HS3ST2: variants seen among roughly 807,000 people sequenced by gnomAD.
HS3ST2 encodes heparan sulfate-glucosamine 3-sulfotransferase 2, also known as heparan sulfate glucosamine 3-O-sulfotransferase 2.
In HS3ST2, 17 loss-of-function variants were observed where a neutral mutation model predicts 26.3. The ratio of observed to expected loss-of-function variants is 0.65; its 90% CI spans 0.44 to 0.97. The LOEUF (loss-of-function observed/expected upper bound fraction) is 0.97. HS3ST2 is among the 50% of genes least tolerant of loss of function. HS3ST2 has a pLI of 0.00. For synonymous variants in HS3ST2, 237 were observed against 219.2 expected, an observed-to-expected ratio of 1.08 and a Z score of -0.72; for missense variants, 402 against 501.2, an observed-to-expected ratio of 0.80 and a Z score of 1.89.
intron 1 of HS3ST2, among the ~76,000 whole-genome samples, chr16:22,842,955 T>G (rs1274703539): frequency 1.3e-5 from 2 of 152,252 alleles, no homozygotes; most frequent in African/African-American, 4.8e-5. Flanking sequence ...TGTTTCTGGT[T>G]TTGAATCTCT....
At chr16:22,878,593 C>T (rs565766862) in intron 1 of HS3ST2, among the ~76,000 whole-genome samples, 7 of 150,908 alleles carry the variant, frequency 4.6e-5, no homozygotes, top group Non-Finnish European at 8.8e-5. Flanking sequence ...GGATATGAAG[C>T]GGGGGCCTAA....
chr16:22,906,569 G>T (rs1205889383), intron 1 of HS3ST2, among the ~76,000 whole-genome samples: 2 of 152,138 alleles, frequency 1.3e-5, no homozygotes, highest in Non-Finnish European at 2.9e-5. Context: ...ACAGTGTACA[G>T]GTGGCAAAAC....
chr16:22,823,457 A>T (rs959663080), intron 1 of HS3ST2, among the ~76,000 whole-genome samples: 5 of 152,144 alleles, frequency 3.3e-5, no homozygotes, highest in African/African-American at 9.7e-5. Context: ...AACTGACGTT[A>T]TGGGAAATAT....
chr16:22,870,326 C>T lies in HS3ST2; in HGVS notation c.486-44618C>T, dbSNP rs562237613. Among the ~76,000 whole-genome samples the T allele has an allele frequency of 3.5e-4, 53 of 152,258 alleles. 1 individual carries two copies. Among genetic ancestry groups the T allele is most frequent in the African/African-American group, 1.2e-3 (49 of 41,530 alleles). On this transcript the variant is annotated intron_variant, in intron 1 of 1. Transcript: ENST00000261374. The stretch of plus-strand genomic sequence containing the variant: ...AATGTATCCAGATATGACGACTGCT[C>T]ACCCACTCTCAGCCAAGCCACCATC...
chr16:22,843,039 C>T (rs886202860), intron 1 of HS3ST2, among the ~76,000 whole-genome samples: 1 of 152,110 alleles, frequency 6.6e-6, no homozygotes, highest in African/African-American at 2.4e-5. Flanking sequence ...GAGGAAGATG[C>T]CATTCTCTTT....
chr16:22,857,435 A>C lies in HS3ST2; in HGVS notation c.485+42340A>C, dbSNP rs551427601. On this transcript the variant is annotated intron_variant, in intron 1 of 1. Transcript: ENST00000261374. ...TTTGAGATGATTTTAAAGCGTAAAC[A>C]GTGGAAAACGCGTTAATATCATTTC... Among the ~76,000 whole-genome samples the C allele has an allele frequency of 1.1e-4, 17 of 152,334 alleles. No individual in the cohort carries two copies. The South Asian group carries it at 2.7e-3, about 24-fold the overall frequency.
intron 1 of HS3ST2, among the ~76,000 whole-genome samples, chr16:22,878,700 C>T (rs937262789): frequency 4.6e-5 from 7 of 152,070 alleles, no homozygotes; most frequent in African/African-American, 1.7e-4. Context: ...TAAGGGGTAC[C>T]GAGGGAAGGG....
chr16:22,826,778 T>C (rs1229092479), intron 1 of HS3ST2, among the ~76,000 whole-genome samples: 2 of 152,196 alleles, frequency 1.3e-5, no homozygotes, highest in Non-Finnish European at 2.9e-5. Flanking sequence ...GAATATGGAA[T>C]GTAGATGCAG....
chr16:22,827,627 G>A (rs1378895213), intron 1 of HS3ST2, among the ~76,000 whole-genome samples: 2 of 151,934 alleles, frequency 1.3e-5, no homozygotes, highest in Non-Finnish European at 2.9e-5. Flanking sequence ...GATGATGATG[G>A]TAGCAGTGTT....
In HS3ST2 at chr16:22,847,681, C is replaced by T. The variant is rs559187950; in HGVS notation, c.485+32586C>T. Among the ~76,000 whole-genome samples, 40 of 150,210 alleles carry T rather than the reference C, an allele frequency of 2.7e-4. 2 individuals are homozygous for T. The South Asian group carries it at 5.7e-3, about 21-fold the overall frequency. On this transcript the variant is annotated intron_variant, in intron 1 of 1. Transcript: ENST00000261374. ...ACATATATTTTTTAAAGGAGCTGTGCGAAGGGCATACATGATAAGCTATTA... is the reference window on the plus strand; with the variant it reads ...ACATATATTTTTTAAAGGAGCTGTGTGAAGGGCATACATGATAAGCTATTA...
intron 1 of HS3ST2, among the ~76,000 whole-genome samples, chr16:22,821,437 A>T (rs1027617805): frequency 4.6e-5 from 7 of 151,496 alleles, no homozygotes; most frequent in African/African-American, 1.5e-4. Flanking sequence ...GACAGGGTGC[A>T]TGGGGACGGG....
chr16:22,858,477 A>C (rs1472988751), intron 1 of HS3ST2, among the ~76,000 whole-genome samples: 1 of 152,028 alleles, frequency 6.6e-6, no homozygotes, highest in South Asian at 2.1e-4. Flanking sequence ...TTATGTTCCC[A>C]AACAATGAAG....
At chr16:22,896,663 G>A (rs917660253) in intron 1 of HS3ST2, among the ~76,000 whole-genome samples, 2 of 152,164 alleles carry the variant, frequency 1.3e-5, no homozygotes, top group African/African-American at 2.4e-5. Context: ...TGCTGTCAGC[G>A]TAGTTGTGTT....
chr16:22,839,406 T>G lies in HS3ST2; in HGVS notation c.485+24311T>G, dbSNP rs77159950. On this transcript the variant is annotated intron_variant, in intron 1 of 1. Coordinates refer to ENST00000261374, the MANE Select transcript of HS3ST2 (RefSeq NM_006043.2). ...GGAGGAGTAGAACAATGCTCCTTCC[T>G]GCCTGGAGCTTCAGAATAGTTGTAA... Among the ~76,000 whole-genome samples the G allele has an allele frequency of 8.0e-3, 1,215 of 152,344 alleles. 17 individuals are homozygous for G. Among genetic ancestry groups the G allele is most frequent in the African/African-American group, 0.027 (1,106 of 41,576 alleles).
At chr16:22,895,349 C>T (rs1212015470) in intron 1 of HS3ST2, among the ~76,000 whole-genome samples, 1 of 152,186 alleles carries the variant, frequency 6.6e-6, no homozygotes, top group Non-Finnish European at 1.5e-5. Context: ...CTCAGCTTCC[C>T]AAAGTGCTGA....
At chr16:22,913,451 C>T (rs983313295) in intron 1 of HS3ST2, among the ~76,000 whole-genome samples, 1 of 152,120 alleles carries the variant, frequency 6.6e-6, no homozygotes, top group Non-Finnish European at 1.5e-5. Context: ...AGGTCCCAAG[C>T]AGCCTGGAGT....
At chr16:22,848,527 TTA>T (rs2141184825) in intron 1 of HS3ST2, among the ~76,000 whole-genome samples, 1 of 152,306 alleles carries the variant, frequency 6.6e-6, no homozygotes, top group East Asian at 1.9e-4. Flanking sequence ...CAGCATTTTT[TTA>T]AAAAGCCTCA....
intron 1 of HS3ST2, among the ~76,000 whole-genome samples, chr16:22,912,941 G>A (rs1902440937): frequency 6.6e-6 from 1 of 151,986 alleles, no homozygotes; most frequent in African/African-American, 2.4e-5. Context: ...TGCCTCCGGA[G>A]TCTAGACCCG....
intron 1 of HS3ST2, chr16:22,833,370 A>G (rs1239498743): frequency 4.4e-6 from 2 of 450,190 alleles, no homozygotes; most frequent in Admixed American, 4.7e-5. Flanking sequence ...GTGTCTTGCT[A>G]AACTGTGGAT....
Sources: gnomAD v4.1 joint callset for allele counts (sites outside exome capture counted in the v4.1 genomes callset) on GRCh38, gnomAD v4.1.1 for gene constraint, MANE v1.5 for transcripts, NCBI Gene and HGNC (gene_info 2026-07-23, HGNC 2026-07-21) for gene names.